DPP7: variants seen among roughly 807,000 people sequenced by gnomAD.
The protein encoded by DPP7 is dipeptidyl peptidase 7.
Under a neutral mutation model 58.8 loss-of-function variants are expected in DPP7, and 74 were observed. That is an observed-to-expected ratio of 1.26 (90% CI 1.04 to 1.53). The LOEUF (loss-of-function observed/expected upper bound fraction) is 1.53. DPP7 is among the 40% of genes most tolerant of loss of function. The pLI is 0.00. For missense variants in DPP7, 807 were observed against 692.3 expected (o/e 1.17, Z -1.86); for synonymous variants, 350 against 303.6 (o/e 1.15, Z -1.59).
rs1354473634 is a variant in DPP7, at chr9:137,114,595, C to T, written c.68-19G>A. The T allele has an allele frequency of 1.3e-6, 2 of 1,484,484 alleles. No individual in the cohort carries two copies. The highest frequency in any genetic ancestry group is 9.0e-7 in the Non-Finnish European group (1 of 1,116,376). 92.0% of individuals were successfully genotyped at this position (1,484,484 alleles called of 1,614,324 possible). A position where few individuals can be genotyped will look rare whatever the true frequency, so the allele number is the denominator to read the frequency against. ...CTGCGGGCTGTGGGGGGACGCGAAC[C>T]TCAGAGGCGGGGCCGGGACCGGGGA... On this transcript the variant is annotated intron_variant, in intron 1 of 12. Coordinates refer to ENST00000371579, the MANE Select transcript of DPP7 (RefSeq NM_013379.3).
In DPP7 at chr9:137,112,819, G is replaced by A. The variant is rs1831442268; in HGVS notation, c.871-14C>T. 2.5e-6 allele frequency: 4 copies of A among 1,608,484 alleles called. No individual in the cohort carries two copies. The highest frequency in any genetic ancestry group is 1.1e-5 in the South Asian group (1 of 90,736). On this transcript the variant is annotated splice_polypyrimidine_tract_variant and intron_variant, in intron 7 of 12. Transcript: ENST00000371579. Reference sequence around the variant, plus strand: ...ATCACAGCCCACCTGGAGTGCAGGGGCAGCGGCGACTCAGCGGGGTCCCCT... The same window carrying A: ...ATCACAGCCCACCTGGAGTGCAGGGACAGCGGCGACTCAGCGGGGTCCCCT...
chr9:137,114,563 C>G lies in DPP7; in HGVS notation c.81G>C (p.Pro27=). The G allele has an allele frequency of 1.3e-6, 2 of 1,548,152 alleles. No homozygotes were observed. The highest frequency in any genetic ancestry group is 8.7e-7 in the Non-Finnish European group (1 of 1,148,438). ...RGLQAGARRA[P]DPGFQERFFQ... is the part of the protein sequence containing the mutation. ...AGAAGCGCTCCTGGAAGCCGGGGTC[C>G]GGGGCCCTGCGGGCTGTGGGGGGAC... is the stretch of plus-strand genomic sequence containing the variant. Residue 27 remains proline (P), a synonymous_variant, in exon 2 of 13, where the codon CCG becomes CCC. Coordinates refer to ENST00000371579, the MANE Select transcript of DPP7 (RefSeq NM_013379.3).
intron 11 of DPP7, among the ~76,000 whole-genome samples, chr9:137,111,216 G>A (rs1187932485): frequency 1.3e-5 from 2 of 150,938 alleles, no homozygotes; most frequent in Non-Finnish European, 3.0e-5. Context: ...GGCAGGTGAG[G>A]GGCCTGTGAT....
Position 137,111,906 on chromosome 9 carries a change from G to C in DPP7, c.1174C>G (p.Pro392Ala), listed in dbSNP as rs1272438944. Residue 392 changes from proline to alanine, a missense_variant, in exon 10 of 13, where the codon CCC (proline) becomes GCC (alanine). Pro to Ala is a conservative substitution (Grantham distance 27). Coordinates refer to ENST00000371579, the MANE Select transcript of DPP7 (RefSeq NM_013379.3). ...CLDTWGVWPRPDWLLTSFWGG... is the reference protein window; with the variant it reads ...CLDTWGVWPRADWLLTSFWGG... The stretch of plus-strand genomic sequence containing the variant: ...CAGAAGCTGGTCAGCAGCCAGTCGG[G>C]CCGGGGCCACACGCCCCAGGTGTCC... 3 of 1,613,094 alleles carry C rather than the reference G, an allele frequency of 1.9e-6. No homozygotes were observed. Among genetic ancestry groups the C allele is most frequent in the Non-Finnish European group, 1.7e-6 (2 of 1,179,702 alleles).
chr9:137,113,367 G>A lies in DPP7; in HGVS notation c.615C>T (p.Val205=). 6.2e-7 allele frequency: 1 copy of A among 1,611,362 alleles called. No homozygotes were observed. Among genetic ancestry groups the A allele is most frequent in the Non-Finnish European group, 8.5e-7 (1 of 1,178,646 alleles). The part of the protein sequence containing the change: ...LGDSNQFFRD[V]TADFEGQSPK... ...GACCCCAAGCCTCACTCACCGCCGTGACGTCCCGGAAGAACTGGTTGGAGT... is the reference window on the plus strand; with the variant it reads ...GACCCCAAGCCTCACTCACCGCCGTAACGTCCCGGAAGAACTGGTTGGAGT... The change falls in exon 5 of 13, where the codon GTC becomes GTT. Residue 205 remains valine, a synonymous_variant. Coordinates refer to ENST00000371579, the MANE Select transcript of DPP7 (RefSeq NM_013379.3).
rs548442146 is a variant in DPP7, at chr9:137,112,679, G to A, written c.931+66C>T. ...CGGGCTGCGGATCCTCGCCCCACCC[G>A]GCCCCAGGACCCAAGCCAAGCCTGG... On this transcript the variant is annotated intron_variant, in intron 8 of 12. Transcript: ENST00000371579. The A allele has an allele frequency of 7.3e-5, 112 of 1,537,080 alleles. No individual in the cohort carries two copies. The East Asian group carries it at 1.5e-3, about 21-fold the overall frequency.
intron 4 of DPP7, 55 bp from the exon 5 acceptor site, chr9:137,113,551 TTCC>T: frequency 2.7e-6 from 4 of 1,506,332 alleles, no homozygotes; most frequent in South Asian, 1.3e-5. Context: ...ATTTCCTCTT[TTCC>T]TCCTCAGGGG....
upstream of DPP7, among the ~76,000 whole-genome samples, chr9:137,117,061 G>A (rs976056756): frequency 6.6e-6 from 1 of 152,236 alleles, no homozygotes; most frequent in Non-Finnish European, 1.5e-5. Context: ...AATAAATACT[G>A]AGGGAACTCA....
At chr9:137,116,106 C>T (rs1195812429), upstream of DPP7, among the ~76,000 whole-genome samples, 2 of 152,174 alleles carry the variant, frequency 1.3e-5, no homozygotes, top group African/African-American at 2.4e-5. Context: ...TGGCTGGGCC[C>T]ACAGAGGGGC....
upstream of DPP7, among the ~76,000 whole-genome samples, chr9:137,117,122 C>T (rs1298916654): frequency 6.6e-6 from 1 of 152,198 alleles, no homozygotes; most frequent in African/African-American, 2.4e-5. Flanking sequence ...GTCTCCTGGG[C>T]CCACTGCCTT....
rs769893374 is a variant in DPP7 at position 137,113,165 on chromosome 9, T to C, written c.703+41A>G. ...CTTGAAGTTTGGGCATAGCTGGCGC[T>C]GGGGCGGGTCAGGCAGTGGGAGGCG... On this transcript the variant is annotated intron_variant, in intron 6 of 12. Coordinates refer to ENST00000371579, the MANE Select transcript of DPP7 (RefSeq NM_013379.3). 4 of 1,613,682 alleles carry C rather than the reference T, an allele frequency of 2.5e-6. No homozygotes were observed. The Admixed American group carries it at 6.7e-5, about 27-fold the overall frequency.
chr9:137,110,784 C>T lies in DPP7; in HGVS notation c.1344-1G>A, dbSNP rs993819012. 14 of 1,604,344 alleles carry T rather than the reference C, an allele frequency of 8.7e-6. No individual in the cohort carries two copies. In the Middle Eastern group the frequency reaches 2.0e-3, roughly 224 times the overall value. On this transcript the variant is annotated splice_acceptor_variant, in intron 12 of 12. Coordinates refer to ENST00000371579, the MANE Select transcript of DPP7 (RefSeq NM_013379.3). LOFTEE classifies it high-confidence loss of function. ...AGCAGGATCTTCTGGGTGGGAGGCT[C>T]TGGGGAGCGGGCACAGAGGGGGCCC...
rs1831459148 is a variant in DPP7 at position 137,113,118 on chromosome 9, G to A, written c.705C>T (p.Ala235=). The A allele has an allele frequency of 3.1e-6, 5 of 1,613,658 alleles. No homozygotes were observed. The highest frequency in any genetic ancestry group is 1.3e-5 in the African/African-American group (1 of 74,928). ...CGAACTCCCAGCGGACCGTGTCGTAGGCTGCGTGGAAGGGGCAGAGACTTG... is the reference window on the plus strand; with the variant it reads ...CGAACTCCCAGCGGACCGTGTCGTAAGCTGCGTGGAAGGGGCAGAGACTTG... ...RQIKDLFLQG[A]YDTVRWEFGT... The change falls in exon 7 of 13, where the codon GCC becomes GCT. Residue 235 remains alanine (A), a splice_region_variant and synonymous_variant. Coordinates refer to ENST00000371579, the MANE Select transcript of DPP7 (RefSeq NM_013379.3).
At chr9:137,114,770 C>T (rs1046786971), upstream of DPP7, 4 of 1,218,842 alleles carry the variant, frequency 3.3e-6, no homozygotes, top group East Asian at 6.6e-5. Flanking sequence ...CCAGGGCGCG[C>T]TCCTCCCTCC....
chr9:137,114,856 C>T, upstream of DPP7: 1 of 499,414 alleles, frequency 2.0e-6, no homozygotes, highest in East Asian at 4.0e-5. Context: ...GGGCTGTGCC[C>T]CCCAACACCC....
upstream of DPP7, among the ~76,000 whole-genome samples, chr9:137,116,065 A>C (rs6560660): frequency 1.3e-5 from 2 of 152,010 alleles, no homozygotes; most frequent in Admixed American, 1.3e-4. Flanking sequence ...CAGCTCCCCA[A>C]GCACACCAGA....
At chr9:137,114,873 C>T (rs1436179123), upstream of DPP7, 4 of 436,236 alleles carry the variant, frequency 9.2e-6, no homozygotes, top group Non-Finnish European at 1.5e-5. Flanking sequence ...ACCCCGCGCC[C>T]CGCGGCCGCT....
At chr9:137,116,861 A>G (rs1831653534), upstream of DPP7, among the ~76,000 whole-genome samples, 1 of 152,220 alleles carries the variant, frequency 6.6e-6, no homozygotes, top group Non-Finnish European at 1.5e-5. Flanking sequence ...GCTGGCGGCA[A>G]TGCTGCTCTG....
At position 137,113,022 on chromosome 9, in the gene DPP7, G is replaced by A. The variant is rs755141973; in HGVS notation, c.801C>T (p.Thr267=). The change falls in exon 7 of 13, where the codon ACC becomes ACT. Residue 267 remains threonine, a synonymous_variant. Coordinates refer to ENST00000371579, the MANE Select transcript of DPP7 (RefSeq NM_013379.3). The part of the protein sequence containing the change: ...QLFMFARNAF[T]VLAMMDYPYP... ...AGGGGTAGTCCATCATGGCCAGCAC[G>A]GTGAAGGCATTCCGGGCGAACATGA... 6.2e-6 allele frequency: 10 copies of A among 1,613,690 alleles called. No individual in the cohort carries two copies. Among genetic ancestry groups the A allele is most frequent in the East Asian group, 4.5e-5 (2 of 44,884 alleles).
Sources: allele counts gnomAD v4.1 joint callset (sites outside exome capture counted in the v4.1 genomes callset), GRCh38; gene constraint gnomAD v4.1.1; transcripts MANE v1.5; gene names NCBI Gene and HGNC (gene_info 2026-07-23, HGNC 2026-07-21).